Variants in SNTG1 observed in about 807,000 individuals in gnomAD.
SNTG1 encodes gamma-1-syntrophin.
Under a neutral mutation model 74.7 loss-of-function variants are expected in SNTG1, and 39 were observed. The ratio of observed to expected loss-of-function variants is 0.52; its 90% CI spans 0.40 to 0.68. The LOEUF is 0.68. SNTG1 is among the 30% of genes least tolerant of loss of function. The pLI, the probability that SNTG1 is intolerant of heterozygous loss-of-function variation, is 0.00. For synonymous variants in SNTG1, 254 were observed against 217.1 expected, an observed-to-expected ratio of 1.17 and a Z score of -1.49; for missense variants, 685 against 609.5, an observed-to-expected ratio of 1.12 and a Z score of -1.30.
At chr8:50,154,279 A>C (rs566572829) in intron 1 of SNTG1, among the ~76,000 whole-genome samples, 8 of 152,254 alleles carry the variant, frequency 5.3e-5, no homozygotes, top group Admixed American at 1.3e-4. Context: ...ACCCTTGGAA[A>C]AGTGCAGTAT....
In SNTG1 at chr8:50,104,519, G is replaced by T. The variant is rs536302003; in HGVS notation, c.-102-68042G>T. On this transcript the variant is annotated intron_variant, in intron 1 of 18. Coordinates refer to ENST00000642720, the MANE Select transcript of SNTG1 (RefSeq NM_018967.5). ...GATCCTTTCAAAAAACCAGCTCCTG[G>T]ATTCATTAATTTTTTGAAGCGTTTT... 9.2e-5 allele frequency among the ~76,000 whole-genome samples: 14 copies of T among 152,140 alleles called. No individual in the cohort carries two copies. In the South Asian group the frequency reaches 2.7e-3, roughly 29 times the overall value.
chr8:50,782,973 G>C lies in SNTG1; in HGVS notation c.1396-9698G>C, dbSNP rs2095664281. Among the ~76,000 whole-genome samples, 5 of 152,304 alleles carry C rather than the reference G, an allele frequency of 3.3e-5. No homozygotes were observed. In the South Asian group the frequency reaches 1.0e-3, roughly 32 times the overall value. ...TGGAGTTTGCCAGAGGTCCACCCCA[G>C]ACCCTGTTTGCCTGGGTACCAGCAG... On this transcript the variant is annotated intron_variant, in intron 18 of 18. Transcript: ENST00000642720.
intron 18 of SNTG1, among the ~76,000 whole-genome samples, chr8:50,766,422 C>A (rs2095614126): frequency 6.6e-6 from 1 of 151,868 alleles, no homozygotes; most frequent in Non-Finnish European, 1.5e-5. Flanking sequence ...TAATTGAAGG[C>A]TATCATTTTC....
At chr8:50,612,920 A>C (rs1006352144) in intron 13 of SNTG1, among the ~76,000 whole-genome samples, 9 of 152,152 alleles carry the variant, frequency 5.9e-5, no homozygotes, top group Admixed American at 5.9e-4. Context: ...TTAGTTGCAG[A>C]GTTCAATTCT....
rs1433700479 is a variant in SNTG1 at position 50,546,548 on chromosome 8, A to G, written c.681-6502A>G. Among the ~76,000 whole-genome samples, 3 of 91,492 alleles carry G rather than the reference A, an allele frequency of 3.3e-5. No individual in the cohort carries two copies. In the South Asian group the frequency reaches 1.4e-3, roughly 42 times the overall value. The allele number at this position is 91,492 out of a possible 152,430, so 60.0% of individuals were successfully genotyped here. Reference sequence around the variant, plus strand: ...CCCTCCCCCCTCCCCCTACCCCACGACAGTCCCCAGTGTGTGATGTTCCCT... The same window carrying G: ...CCCTCCCCCCTCCCCCTACCCCACGGCAGTCCCCAGTGTGTGATGTTCCCT... On this transcript the variant is annotated intron_variant, in intron 11 of 18. Coordinates refer to ENST00000642720, the MANE Select transcript of SNTG1 (RefSeq NM_018967.5).
Position 50,201,058 on chromosome 8 carries a change from G to T in SNTG1, c.-28+28423G>T, listed in dbSNP as rs576100646. Reference sequence around the variant, plus strand: ...AAAACTTTCTCTAACATCATGGCTTGCTTTGAGGTATACTGATGGAATACT... The same window carrying T: ...AAAACTTTCTCTAACATCATGGCTTTCTTTGAGGTATACTGATGGAATACT... On this transcript the variant is annotated intron_variant, in intron 2 of 18. Transcript: ENST00000642720. 7.1e-4 allele frequency among the ~76,000 whole-genome samples: 108 copies of T among 152,004 alleles called. 2 individuals are homozygous for T. Among genetic ancestry groups the T allele is most frequent in the African/African-American group, 2.6e-3 (106 of 41,484 alleles).
intron 2 of SNTG1, among the ~76,000 whole-genome samples, chr8:50,243,327 A>G (rs2086247649): frequency 6.6e-6 from 1 of 152,186 alleles, no homozygotes; most frequent in African/African-American, 2.4e-5. Flanking sequence ...ATGCAAGTGT[A>G]GGTTTTCTGA....
intron 2 of SNTG1, among the ~76,000 whole-genome samples, chr8:50,300,412 A>T (rs2089595463): frequency 6.6e-6 from 1 of 152,152 alleles, no homozygotes; most frequent in Admixed American, 6.6e-5. Context: ...CCTGAAAAAC[A>T]TATCTTAAAT....
chr8:50,608,507 A>G (rs972637009), intron 13 of SNTG1, among the ~76,000 whole-genome samples: 2 of 151,754 alleles, frequency 1.3e-5, no homozygotes, highest in African/African-American at 2.4e-5. Flanking sequence ...TGATGTCAAT[A>G]TTGCTTTTCC....
chr8:50,705,828 A>G (rs1310329257), intron 16 of SNTG1, among the ~76,000 whole-genome samples: 2 of 152,194 alleles, frequency 1.3e-5, no homozygotes, highest in East Asian at 1.9e-4. Flanking sequence ...AGCCTCCCAA[A>G]GTTGGTCCTG....
intron 1 of SNTG1, among the ~76,000 whole-genome samples, chr8:50,028,573 C>G (rs1023863269): frequency 1.4e-5 from 2 of 147,506 alleles, no homozygotes; most frequent in Non-Finnish European, 3.0e-5. Flanking sequence ...ACTCCTCTAC[C>G]AACAACGTTT....
intron 2 of SNTG1, among the ~76,000 whole-genome samples, chr8:50,259,386 C>A (rs1563809882): frequency 6.6e-6 from 1 of 151,552 alleles, no homozygotes; most frequent in Non-Finnish European, 1.5e-5. Context: ...GTAATCCTAG[C>A]TACCCAGGAG....
intron 13 of SNTG1, among the ~76,000 whole-genome samples, chr8:50,638,420 A>G (rs1273690991): frequency 1.3e-5 from 2 of 152,116 alleles, no homozygotes; most frequent in East Asian, 3.9e-4. Context: ...TAAATTATAT[A>G]TTCAAAGCTA....
chr8:50,658,066 C>A (rs1402821230), intron 14 of SNTG1, among the ~76,000 whole-genome samples: 2 of 152,030 alleles, frequency 1.3e-5, no homozygotes, highest in African/African-American at 4.8e-5. Flanking sequence ...TTACTCTATT[C>A]CTACTCTGAA....
At chr8:50,455,299 C>G (rs1037212208) in intron 8 of SNTG1, among the ~76,000 whole-genome samples, 1 of 152,134 alleles carries the variant, frequency 6.6e-6, no homozygotes, top group Non-Finnish European at 1.5e-5. Flanking sequence ...TTTAAAGTAG[C>G]ATTTCTGCTT....
At chr8:50,110,703 C>T (rs2080550555) in intron 1 of SNTG1, among the ~76,000 whole-genome samples, 1 of 152,078 alleles carries the variant, frequency 6.6e-6, no homozygotes, top group African/African-American at 2.4e-5. Context: ...CACATTGTAA[C>T]ATTTTCTGGT....
intron 15 of SNTG1, among the ~76,000 whole-genome samples, chr8:50,688,575 G>A (rs566322404): frequency 1.2e-4 from 18 of 152,190 alleles, no homozygotes; most frequent in South Asian, 8.3e-4. Flanking sequence ...GTAGATATGC[G>A]GCATTATTTC....
intron 1 of SNTG1, among the ~76,000 whole-genome samples, chr8:50,041,736 G>A (rs1818659859): frequency 6.6e-6 from 1 of 152,124 alleles, no homozygotes. Context: ...CTCTGTTGTG[G>A]AACTAGTTTC....
intron 11 of SNTG1, among the ~76,000 whole-genome samples, chr8:50,551,550 C>T (rs2094426848): frequency 6.6e-6 from 1 of 152,104 alleles, no homozygotes; most frequent in East Asian, 1.9e-4. Context: ...TACTAAACTC[C>T]AATTATTTCT....
Sources: allele counts gnomAD v4.1 joint callset (sites outside exome capture counted in the v4.1 genomes callset), GRCh38; gene constraint gnomAD v4.1.1; transcripts MANE v1.5; gene names NCBI Gene and HGNC (gene_info 2026-07-23, HGNC 2026-07-21).